HPSE2: variants seen among roughly 807,000 people sequenced by gnomAD.
HPSE2 encodes the protein inactive heparanase-2.
HPSE2 carries 38 observed loss-of-function variants against 60.5 expected under a neutral mutation model. The observed-to-expected ratio is 0.63, with a 90% CI of 0.48 to 0.82. HPSE2 has a LOEUF of 0.82. HPSE2 is among the 40% of genes least tolerant of loss of function. HPSE2 has a pLI of 0.00. For missense variants in HPSE2, 713 were observed against 740.4 expected (o/e 0.96, Z 0.43); for synonymous variants, 295 against 293.2 (o/e 1.01, Z -0.06).
chr10:99,163,048 A>T (rs1846908541), intron 2 of HPSE2, among the ~76,000 whole-genome samples: 1 of 152,042 alleles, frequency 6.6e-6, no homozygotes, highest in Admixed American at 6.6e-5. Flanking sequence ...TCTCTACTAA[A>T]ATTACCAAAA....
At chr10:98,755,413 C>A (rs1199082091) in intron 3 of HPSE2, among the ~76,000 whole-genome samples, 1 of 152,080 alleles carries the variant, frequency 6.6e-6, no homozygotes, top group Non-Finnish European at 1.5e-5. Flanking sequence ...GATACCCACA[C>A]AATAATAATG....
intron 9 of HPSE2, among the ~76,000 whole-genome samples, chr10:98,600,911 G>GTATATATATA (rs71007402): frequency 6.0e-4 from 44 of 73,716 alleles, no homozygotes; most frequent in African/African-American, 1.6e-3. Flanking sequence ...ATGTGTGTGT[G>GTATATATATA]TATATATATA....
At chr10:99,264,157 G>A in the HPSE2 span, among the ~76,000 whole-genome samples, 160 of 105,880 alleles carry the variant, frequency 1.5e-3, 1 homozygote, top group Non-Finnish European at 3.4e-3. Context: ...GCGCTATCTC[G>A]GTTCACTGCA....
At chr10:98,560,491 C>A (rs1252495753) in intron 9 of HPSE2, among the ~76,000 whole-genome samples, 2 of 152,228 alleles carry the variant, frequency 1.3e-5, no homozygotes, top group Non-Finnish European at 2.9e-5. Context: ...TCCTGATGAA[C>A]CCTAAGCAGC....
intron 9 of HPSE2, among the ~76,000 whole-genome samples, chr10:98,526,311 T>C (rs896064778): frequency 2.6e-5 from 4 of 152,210 alleles, no homozygotes; most frequent in African/African-American, 9.6e-5. Context: ...ATTAAAACTT[T>C]CATGTGGCTG....
At chr10:98,630,061 G>A (rs1007156195) in intron 7 of HPSE2, among the ~76,000 whole-genome samples, 4 of 151,872 alleles carry the variant, frequency 2.6e-5, no homozygotes, top group Non-Finnish European at 4.4e-5. Flanking sequence ...TATTTAACTT[G>A]TTATCTTAGA....
At chr10:98,950,492 T>C (rs1171541849) in intron 3 of HPSE2, among the ~76,000 whole-genome samples, 1 of 152,162 alleles carries the variant, frequency 6.6e-6, no homozygotes, top group East Asian at 1.9e-4. Context: ...ATGATTAAAA[T>C]GAATGGAAAA....
At chr10:99,124,303 G>A (rs999579733) in intron 3 of HPSE2, among the ~76,000 whole-genome samples, 8 of 152,184 alleles carry the variant, frequency 5.3e-5, no homozygotes, top group East Asian at 1.9e-4. Flanking sequence ...AAAAAGGACC[G>A]TAAGTTCTCA....
rs534780893 is a variant in HPSE2, at chr10:99,099,354, A to G, written c.610+44884T>C. On this transcript the variant is annotated intron_variant, in intron 3 of 11. Transcript: ENST00000370552. ...CACACCAGGAGATTATATCCCGCACATGGCTCACAGGGACCCATGCCCGTG... is the reference window on the plus strand; with the variant it reads ...CACACCAGGAGATTATATCCCGCACGTGGCTCACAGGGACCCATGCCCGTG... 8.5e-5 allele frequency among the ~76,000 whole-genome samples: 13 copies of G among 152,340 alleles called. No individual in the cohort carries two copies. In the South Asian group the frequency reaches 1.9e-3, roughly 22 times the overall value.
chr10:99,177,475 G>T (rs953462934), intron 2 of HPSE2, among the ~76,000 whole-genome samples: 1 of 152,054 alleles, frequency 6.6e-6, no homozygotes, highest in African/African-American at 2.4e-5. Flanking sequence ...TGCAATCCTA[G>T]TATCTCATAT....
intron 2 of HPSE2, among the ~76,000 whole-genome samples, chr10:99,224,329 A>C (rs138750124): frequency 1.3e-5 from 2 of 152,100 alleles, no homozygotes; most frequent in Non-Finnish European, 2.9e-5. Flanking sequence ...ATATGTCTTC[A>C]CTTTGCCTAA....
At chr10:99,003,109 T>C (rs1406436954) in intron 3 of HPSE2, among the ~76,000 whole-genome samples, 1 of 152,156 alleles carries the variant, frequency 6.6e-6, no homozygotes, top group Non-Finnish European at 1.5e-5. Context: ...GCAGTATTTA[T>C]CTTTCTTTGC....
At chr10:98,595,249 A>G (rs540482733) in intron 9 of HPSE2, among the ~76,000 whole-genome samples, 309 of 147,414 alleles carry the variant, frequency 2.1e-3, no homozygotes, top group Non-Finnish European at 3.9e-3. Context: ...GGCTCACTGC[A>G]AGCTCCGCCT....
chr10:98,688,465 CTTTTTTTTTTTCTT>C (rs1309933377), intron 6 of HPSE2, among the ~76,000 whole-genome samples: 1 of 103,858 alleles, frequency 9.6e-6, no homozygotes, highest in Non-Finnish European at 1.8e-5. Flanking sequence ...TTTAGCATTT[CTTTTTTTTTTTCTT>C]TTTTTTTTTT....
At chr10:98,696,224 T>C (rs1156946775) in intron 5 of HPSE2, among the ~76,000 whole-genome samples, 1 of 131,990 alleles carries the variant, frequency 7.6e-6, no homozygotes, top group African/African-American at 2.8e-5. Context: ...ATCTCTGAAA[T>C]AGAAATATTT....
At chr10:98,465,576 TGGCTAATA>T (rs1392155027) in intron 11 of HPSE2, among the ~76,000 whole-genome samples, 2 of 152,244 alleles carry the variant, frequency 1.3e-5, no homozygotes, top group African/African-American at 4.8e-5. Context: ...CAAGGTCATG[TGGCTAATA>T]AGTGGCTAAG....
chr10:99,168,549 C>G (rs1252917474), intron 2 of HPSE2, among the ~76,000 whole-genome samples: 2 of 152,134 alleles, frequency 1.3e-5, no homozygotes, highest in African/African-American at 4.8e-5. Flanking sequence ...ATTTACTTTA[C>G]CTTTCTTATT....
chr10:98,930,728 T>C (rs1326593718), intron 3 of HPSE2, among the ~76,000 whole-genome samples: 1 of 141,378 alleles, frequency 7.1e-6, no homozygotes, highest in Non-Finnish European at 1.5e-5. Context: ...CTCTGTGATG[T>C]TGAGCTGTTT....
chr10:98,550,174 T>A (rs1943816537), intron 9 of HPSE2, among the ~76,000 whole-genome samples: 1 of 152,216 alleles, frequency 6.6e-6, no homozygotes, highest in South Asian at 2.1e-4. Context: ...AAATGCCACC[T>A]TACAGCCTGT....
Sources: gnomAD v4.1 joint callset for allele counts (sites outside exome capture counted in the v4.1 genomes callset) on GRCh38, gnomAD v4.1.1 for gene constraint, MANE v1.5 for transcripts, NCBI Gene and HGNC (gene_info 2026-07-23, HGNC 2026-07-21) for gene names.